Variants in BBX observed in about 807,000 individuals in gnomAD.
The protein encoded by BBX is BBX high mobility group box domain containing.
BBX carries 30 observed loss-of-function variants against 100.2 expected under a neutral mutation model. The observed-to-expected ratio is 0.30, with a 90% CI of 0.22 to 0.41. The LOEUF (loss-of-function observed/expected upper bound fraction) is 0.41, where lower values mean the gene tolerates loss of function less well. Ranked by LOEUF, BBX falls within the 10% of genes least tolerant of loss-of-function variation. The pLI, the probability that BBX is intolerant of heterozygous loss-of-function variation, is 1.00. For synonymous variants in BBX, 376 were observed against 388.1 expected (o/e 0.97, Z 0.37); for missense variants, 1,023 against 1,129.8 (o/e 0.91, Z 1.35).
chr3:107,600,844 C>G (rs2054011750), intron 2 of BBX, among the ~76,000 whole-genome samples: 2 of 152,082 alleles, frequency 1.3e-5, no homozygotes, highest in African/African-American at 4.8e-5. Flanking sequence ...AGACAGGTGG[C>G]CATCCTGACT....
chr3:107,564,851 A>C (rs1025013653), intron 2 of BBX, among the ~76,000 whole-genome samples: 1 of 152,200 alleles, frequency 6.6e-6, no homozygotes, highest in Non-Finnish European at 1.5e-5. Flanking sequence ...TTCCAAATGA[A>C]TTTAGAATCG....
At position 107,652,965 on chromosome 3, in the gene BBX, A is replaced by G. The variant is rs183682990; in HGVS notation, c.-10+7056A>G. On this transcript the variant is annotated intron_variant, in intron 3 of 17. Coordinates refer to ENST00000325805, the MANE Select transcript of BBX (RefSeq NM_001142568.3). ...TATTTTGTGCATGTCTGTATTCCCA[A>G]AATTTAGAAATAGCATCTGGTACAT... Among the ~76,000 whole-genome samples, 5 of 152,288 alleles carry G rather than the reference A, an allele frequency of 3.3e-5. No homozygotes were observed. The East Asian group carries it at 9.6e-4, about 29-fold the overall frequency.
intron 15 of BBX, among the ~76,000 whole-genome samples, chr3:107,794,036 A>T (rs1380337909): frequency 1.3e-5 from 2 of 152,160 alleles, no homozygotes; most frequent in African/African-American, 2.4e-5. Context: ...TAGGATTTTC[A>T]AATAAACCAA....
intron 10 of BBX, among the ~76,000 whole-genome samples, chr3:107,763,226 CTT>C (rs10708684): frequency 2.7e-3 from 374 of 137,556 alleles, no homozygotes; most frequent in East Asian, 9.4e-3. Context: ...GTGGTATTAC[CTT>C]TTTTTTTTTT....
chr3:107,648,712 T>A, intron 3 of BBX, among the ~76,000 whole-genome samples: 1 of 152,220 alleles, frequency 6.6e-6, no homozygotes, highest in Non-Finnish European at 1.5e-5. Context: ...ATACAGTGAC[T>A]TTTGCATTAT....
intron 2 of BBX, among the ~76,000 whole-genome samples, chr3:107,557,032 G>A (rs1262652270): frequency 6.6e-6 from 1 of 152,026 alleles, no homozygotes; most frequent in African/African-American, 2.4e-5. Context: ...TTAAAAAATT[G>A]AGGTAAAATT....
At chr3:107,543,573 A>G (rs559457472) in intron 2 of BBX, among the ~76,000 whole-genome samples, 1 of 152,366 alleles carries the variant, frequency 6.6e-6, no homozygotes, top group Non-Finnish European at 1.5e-5. Context: ...AACGGATAAT[A>G]AACTGTACGT....
intron 8 of BBX, among the ~76,000 whole-genome samples, chr3:107,745,756 C>G (rs1445608189): frequency 6.6e-6 from 1 of 152,114 alleles, no homozygotes; most frequent in Non-Finnish European, 1.5e-5. Flanking sequence ...GCTCAGCCTG[C>G]ACTCTTTTTT....
At chr3:107,652,888 C>T (rs1385601373) in intron 3 of BBX, among the ~76,000 whole-genome samples, 1 of 152,036 alleles carries the variant, frequency 6.6e-6, no homozygotes, top group East Asian at 1.9e-4. Context: ...TTCATAGAAC[C>T]TCTTCAAGAT....
At position 107,693,330 on chromosome 3, in the gene BBX, A is replaced by C. The variant is rs572108333; in HGVS notation, c.-9-17122A>C. Among the ~76,000 whole-genome samples, 73 of 151,898 alleles carry C rather than the reference A, an allele frequency of 4.8e-4. 3 individuals carry two copies. The highest frequency in any genetic ancestry group is 1.7e-3 in the African/African-American group (72 of 41,188). ...TTTCTTCTAGGGTTTTTATGGTTTT[A>C]GGTCTAACGTTTAAGTCTTTAGTCC... is the stretch of plus-strand genomic sequence containing the variant. On this transcript the variant is annotated intron_variant, in intron 3 of 17. Coordinates refer to ENST00000325805, the MANE Select transcript of BBX (RefSeq NM_001142568.3).
chr3:107,762,798 G>A (rs2066000370), intron 10 of BBX, among the ~76,000 whole-genome samples: 1 of 152,108 alleles, frequency 6.6e-6, no homozygotes, highest in African/African-American at 2.4e-5. Flanking sequence ...ATTATATGGT[G>A]CATTTTGGAA....
At position 107,775,025 on chromosome 3, in the gene BBX, T is replaced by A. The variant is rs190956939; in HGVS notation, c.2054+168T>A. Among the ~76,000 whole-genome samples, 861 of 152,320 alleles carry A rather than the reference T, an allele frequency of 5.7e-3. 4 individuals are homozygous for A. The highest frequency in any genetic ancestry group is 8.0e-3 in the Non-Finnish European group (546 of 68,008). On this transcript the variant is annotated intron_variant, in intron 12 of 17. Transcript: ENST00000325805. ...GTGAACACAAATCAAGTGCATCACA[T>A]CATTCCTGCTGTTAACATGGTCATG...
At position 107,704,313 on chromosome 3, in the gene BBX, C is replaced by G. The variant is rs143755278; in HGVS notation, c.-9-6139C>G. Among the ~76,000 whole-genome samples, 1,357 of 152,006 alleles carry G rather than the reference C, an allele frequency of 8.9e-3. 62 individuals carry two copies. Among genetic ancestry groups the G allele is most frequent in the Admixed American group, 0.073 (1,113 of 15,268 alleles). On this transcript the variant is annotated intron_variant, in intron 3 of 17. Transcript: ENST00000325805. ...GAGGAAATTATAAGCCAATAAATAC[C>G]CTTTCCAGAAACTACTGTGCAGTAG...
intron 3 of BBX, among the ~76,000 whole-genome samples, chr3:107,702,944 G>A (rs1447033822): frequency 6.6e-6 from 1 of 152,134 alleles, no homozygotes. Context: ...AGCCCAGCAG[G>A]AGGTGAGTTG....
At chr3:107,629,207 C>G (rs1365628200) in intron 2 of BBX, among the ~76,000 whole-genome samples, 1 of 151,960 alleles carries the variant, frequency 6.6e-6, no homozygotes, top group Non-Finnish European at 1.5e-5. Context: ...CTCCTCTTCA[C>G]AAAAGGAAGA....
At chr3:107,698,662 A>G (rs996998450) in intron 3 of BBX, among the ~76,000 whole-genome samples, 2 of 151,640 alleles carry the variant, frequency 1.3e-5, no homozygotes, top group African/African-American at 2.4e-5. Flanking sequence ...AAAAAAAAAA[A>G]AAAATTCCAA....
At chr3:107,605,158 A>G (rs1028609967) in intron 2 of BBX, among the ~76,000 whole-genome samples, 1 of 152,190 alleles carries the variant, frequency 6.6e-6, no homozygotes, top group African/African-American at 2.4e-5. Flanking sequence ...CTATCATAAC[A>G]TTCTTGATTA....
At chr3:107,622,275 A>G (rs1041868450) in intron 2 of BBX, among the ~76,000 whole-genome samples, 2 of 152,088 alleles carry the variant, frequency 1.3e-5, no homozygotes, top group African/African-American at 4.8e-5. Flanking sequence ...TCAACAGTTC[A>G]TTTCCTTTCT....
At chr3:107,583,229 GAGTA>G (rs2052415138) in intron 2 of BBX, among the ~76,000 whole-genome samples, 1 of 151,846 alleles carries the variant, frequency 6.6e-6, no homozygotes, top group Admixed American at 6.6e-5. Context: ...TTTGTATTTT[GAGTA>G]GTTAAGAGTC....
Sources: gnomAD v4.1 joint callset for allele counts (sites outside exome capture counted in the v4.1 genomes callset) on GRCh38, gnomAD v4.1.1 for gene constraint, MANE v1.5 for transcripts, NCBI Gene and HGNC (gene_info 2026-07-23, HGNC 2026-07-21) for gene names.